SCFD1: variants seen among roughly 807,000 people sequenced by gnomAD.
SCFD1 encodes sec1 family domain-containing protein 1.
SCFD1 carries 37 observed loss-of-function variants against 103.2 expected under a neutral mutation model. That is an observed-to-expected ratio of 0.36 (90% confidence interval 0.28 to 0.47). The LOEUF (loss-of-function observed/expected upper bound fraction) is 0.47, where lower values mean the gene tolerates loss of function less well. Ranked by LOEUF, SCFD1 falls within the 20% of genes least tolerant of loss-of-function variation. The pLI is 1.00. For missense variants in SCFD1, 639 were observed against 761.2 expected (o/e 0.84, Z 1.89); for synonymous variants, 264 against 245.0 (o/e 1.08, Z -0.73).
chr14:30,683,274 G>A (rs1889641219), intron 14 of SCFD1: 1 of 997,716 alleles, frequency 1.0e-6, no homozygotes, highest in Non-Finnish European at 1.5e-6. Context: ...TGTTACCCTG[G>A]GTGTCCACAC....
rs79806250 is a variant in SCFD1 at position 30,670,677 on chromosome 14, A to T, written c.995+282A>T. On this transcript the variant is annotated intron_variant, in intron 11 of 24. Coordinates refer to ENST00000458591, the MANE Select transcript of SCFD1 (RefSeq NM_016106.4). The stretch of plus-strand genomic sequence containing the variant: ...TTCAATTTTGTTGCTGTCTCCACTG[A>T]CTCTATAAGACCATCTCTGCCTTTC... 5.6e-3 allele frequency among the ~76,000 whole-genome samples: 852 copies of T among 151,902 alleles called. 10 individuals are homozygous for T. The highest frequency in any genetic ancestry group is 0.019 in the African/African-American group (782 of 41,458).
At chr14:30,716,813 C>A (rs1471387245) in intron 20 of SCFD1, among the ~76,000 whole-genome samples, 1 of 151,770 alleles carries the variant, frequency 6.6e-6, no homozygotes, top group Non-Finnish European at 1.5e-5. Context: ...TTTTAAAATT[C>A]ACTGGTGTGA....
intron 10 of SCFD1, among the ~76,000 whole-genome samples, chr14:30,656,806 G>GC (rs764718102): frequency 8.5e-5 from 13 of 152,066 alleles, no homozygotes; most frequent in Non-Finnish European, 1.8e-4. Context: ...TTCAATTAGA[G>GC]CAAGAAAGAA....
intron 18 of SCFD1, among the ~76,000 whole-genome samples, chr14:30,706,604 G>A (rs1891486694): frequency 6.6e-6 from 1 of 152,166 alleles, no homozygotes; most frequent in African/African-American, 2.4e-5. Flanking sequence ...GATTCAAGCA[G>A]TGCTAAATGA....
chr14:30,674,527 A>C (rs951760250), intron 13 of SCFD1, among the ~76,000 whole-genome samples: 2 of 152,180 alleles, frequency 1.3e-5, no homozygotes, highest in Non-Finnish European at 2.9e-5. Flanking sequence ...GCACGCCTGT[A>C]GTCCCAGCTA....
At chr14:30,657,521 TAG>T (rs1220151156) in intron 10 of SCFD1, among the ~76,000 whole-genome samples, 1 of 152,208 alleles carries the variant, frequency 6.6e-6, no homozygotes, top group African/African-American at 2.4e-5. Flanking sequence ...AAGTAGATGG[TAG>T]AGTTTTTTTG....
intron 7 of SCFD1, among the ~76,000 whole-genome samples, chr14:30,645,026 G>T (rs1193581000): frequency 3.2e-4 from 48 of 152,038 alleles, no homozygotes; most frequent in Non-Finnish European, 4.4e-5. Flanking sequence ...AAAGGAAGGG[G>T]TTCAGTTTTA....
At chr14:30,696,497 G>T (rs867842618) in intron 15 of SCFD1, among the ~76,000 whole-genome samples, 1 of 152,204 alleles carries the variant, frequency 6.6e-6, no homozygotes, top group African/African-American at 2.4e-5. Context: ...GATAGAGCAA[G>T]GTAGGCATTC....
chr14:30,735,203 G>T, intron 24 of SCFD1: 2 of 283,710 alleles, frequency 7.0e-6, no homozygotes, highest in African/African-American at 2.2e-5. Flanking sequence ...AATTCCCAGG[G>T]TTTTTCTTTT....
chr14:30,709,514 G>C (rs1891714984), intron 19 of SCFD1, among the ~76,000 whole-genome samples: 1 of 152,150 alleles, frequency 6.6e-6, no homozygotes, highest in South Asian at 2.1e-4. Context: ...TTACAGGTAT[G>C]AGCCACTGTG....
At chr14:30,700,461 C>T (rs1392316582) in intron 16 of SCFD1, among the ~76,000 whole-genome samples, 1 of 152,254 alleles carries the variant, frequency 6.6e-6, no homozygotes, top group African/African-American at 2.4e-5. Context: ...TCACTTTGAG[C>T]GCAGGAGTTT....
In SCFD1 at chr14:30,673,934, G is replaced by A. The variant is rs138143410; in HGVS notation, c.1097G>A (p.Gly366Glu). 35 of 1,613,148 alleles carry A rather than the reference G, an allele frequency of 2.2e-5. No homozygotes were observed. In the African/African-American group the frequency reaches 3.5e-4, roughly 16 times the overall value. The change falls in exon 13 of 25, where the codon GGG (glycine) becomes GAG (glutamate). Residue 366 changes from glycine (G) to glutamate (E), a missense_variant. Coordinates refer to ENST00000458591, the MANE Select transcript of SCFD1 (RefSeq NM_016106.4). ...KRLKSIMGLEGEDEGAISMLS... is the reference protein window; with the variant it reads ...KRLKSIMGLEEEDEGAISMLS... The stretch of plus-strand genomic sequence containing the variant: ...TTTTTTCTTTACAAGGGACTAGAAG[G>A]GGAAGATGAAGGAGCCATAAGTATG...
chr14:30,675,778 G>A (rs1161106579), intron 14 of SCFD1, among the ~76,000 whole-genome samples: 2 of 152,116 alleles, frequency 1.3e-5, no homozygotes, highest in African/African-American at 4.8e-5. Flanking sequence ...ATAATTGCTG[G>A]CTGTCAGAGA....
intron 10 of SCFD1, among the ~76,000 whole-genome samples, chr14:30,668,844 C>T (rs958960883): frequency 6.6e-6 from 1 of 152,160 alleles, no homozygotes; most frequent in African/African-American, 2.4e-5. Flanking sequence ...ATGAAAACCA[C>T]AATGAGATAC....
chr14:30,721,048 TAA>T (rs756331331), intron 21 of SCFD1, among the ~76,000 whole-genome samples: 4 of 152,128 alleles, frequency 2.6e-5, no homozygotes, highest in Non-Finnish European at 5.9e-5. Context: ...TACTATTCTA[TAA>T]GTCTTACCTC....
At chr14:30,655,901 G>A (rs1222315499) in intron 10 of SCFD1, among the ~76,000 whole-genome samples, 1 of 152,138 alleles carries the variant, frequency 6.6e-6, no homozygotes, top group African/African-American at 2.4e-5. Context: ...GCCAAGGCAG[G>A]AGGATCACGT....
At chr14:30,683,917 A>G (rs1213649971) in intron 14 of SCFD1, among the ~76,000 whole-genome samples, 1 of 152,190 alleles carries the variant, frequency 6.6e-6, no homozygotes, top group Non-Finnish European at 1.5e-5. Context: ...AGGGAAAGCC[A>G]AGAAGTGTCA....
At chr14:30,707,692 A>C (rs1371049902) in intron 18 of SCFD1, 2 of 355,574 alleles carry the variant, frequency 5.6e-6, no homozygotes, top group African/African-American at 2.1e-5. Context: ...CAAAAAAAAA[A>C]TATAGCTAAG....
chr14:30,733,264 T>C lies in SCFD1; in HGVS notation c.1837-1526T>C, dbSNP rs138308654. Among the ~76,000 whole-genome samples, 400 of 152,232 alleles carry C rather than the reference T, an allele frequency of 2.6e-3. 4 individuals are homozygous for C. The highest frequency in any genetic ancestry group is 9.1e-3 in the African/African-American group (380 of 41,550). ...ACCTTGTGATCCACTTGCCTCGGCCTCCCAAAGTGCTGAGATTACAGGCAT... is the reference window on the plus strand; with the variant it reads ...ACCTTGTGATCCACTTGCCTCGGCCCCCCAAAGTGCTGAGATTACAGGCAT... On this transcript the variant is annotated intron_variant, in intron 23 of 24. Coordinates refer to ENST00000458591, the MANE Select transcript of SCFD1 (RefSeq NM_016106.4).
Sources: gnomAD v4.1 joint callset for allele counts (sites outside exome capture counted in the v4.1 genomes callset) on GRCh38, gnomAD v4.1.1 for gene constraint, MANE v1.5 for transcripts, NCBI Gene and HGNC (gene_info 2026-07-23, HGNC 2026-07-21) for gene names.